Variants in C8orf34 observed in about 807,000 individuals in gnomAD.
C8orf34 encodes chromosome 8 open reading frame 34.
Under a neutral mutation model 68.3 loss-of-function variants are expected in C8orf34, and 65 were observed. That is an observed-to-expected ratio of 0.95 (90% confidence interval 0.78 to 1.17). The LOEUF is 1.17. Among genes scored for constraint, C8orf34 ranks in the 50% most tolerant of loss-of-function variants. The pLI, the probability that C8orf34 is intolerant of heterozygous loss-of-function variation, is 0.00. For synonymous variants in C8orf34, 244 were observed against 241.2 expected (o/e 1.01, Z -0.11); for missense variants, 664 against 655.4 (o/e 1.01, Z -0.14).
At chr8:68,437,733 A>T (rs937621989) in intron 1 of C8orf34, among the ~76,000 whole-genome samples, 2 of 152,182 alleles carry the variant, frequency 1.3e-5, no homozygotes, top group African/African-American at 4.8e-5. Context: ...GAATATAAAA[A>T]GTATTACACT....
chr8:68,361,184 G>A (rs537967373), intron 1 of C8orf34, among the ~76,000 whole-genome samples: 16 of 152,298 alleles, frequency 1.1e-4, no homozygotes, highest in African/African-American at 3.1e-4. Flanking sequence ...AGGGAAGAAG[G>A]TTTCGGTAGA....
At chr8:68,605,120 T>C (rs1414715554) in intron 7 of C8orf34, among the ~76,000 whole-genome samples, 1 of 152,048 alleles carries the variant, frequency 6.6e-6, no homozygotes, top group Non-Finnish European at 1.5e-5. Flanking sequence ...TCCACATCAT[T>C]TGTCATTCAG....
intron 4 of C8orf34, among the ~76,000 whole-genome samples, chr8:68,479,962 T>C (rs1476393300): frequency 6.6e-6 from 1 of 152,220 alleles, no homozygotes; most frequent in African/African-American, 2.4e-5. Flanking sequence ...AAAAGAGTTA[T>C]TTATAAAGCA....
At chr8:68,589,456 A>G (rs1354782889) in intron 7 of C8orf34, among the ~76,000 whole-genome samples, 1 of 102,818 alleles carries the variant, frequency 9.7e-6, no homozygotes, top group Non-Finnish European at 2.2e-5. Flanking sequence ...AAAGAATGAA[A>G]GAGAAAGAAA....
At chr8:68,512,769 C>T (rs1814330766) in intron 5 of C8orf34, among the ~76,000 whole-genome samples, 1 of 147,362 alleles carries the variant, frequency 6.8e-6, no homozygotes, top group Admixed American at 6.8e-5. Context: ...TTCCATACCT[C>T]CTTATAACCT....
At chr8:68,593,726 A>C (rs991178671) in intron 7 of C8orf34, among the ~76,000 whole-genome samples, 1 of 151,992 alleles carries the variant, frequency 6.6e-6, no homozygotes, top group Non-Finnish European at 1.5e-5. Context: ...CTTTTCAAAA[A>C]AGTACCTTTT....
chr8:68,596,197 C>G (rs999499639), intron 7 of C8orf34, among the ~76,000 whole-genome samples: 4 of 152,030 alleles, frequency 2.6e-5, no homozygotes, highest in Non-Finnish European at 5.9e-5. Flanking sequence ...GTTCTCATCT[C>G]CAGGTAAGTT....
chr8:68,468,637 C>G, intron 3 of C8orf34, 55 bp from the exon 4 acceptor site: 1 of 1,555,572 alleles, frequency 6.4e-7, no homozygotes. Context: ...GATGAATAGT[C>G]AGTTTGTGTC....
intron 1 of C8orf34, among the ~76,000 whole-genome samples, chr8:68,427,463 A>T (rs941037039): frequency 2.6e-5 from 4 of 152,234 alleles, no homozygotes; most frequent in African/African-American, 9.6e-5. Flanking sequence ...ATACTTCAAT[A>T]TATAAGATAT....
chr8:68,447,625 G>C (rs1363981627), intron 3 of C8orf34: 1 of 152,130 alleles, frequency 6.6e-6, no homozygotes, highest in Non-Finnish European at 1.5e-5. Context: ...ATTTATCTTT[G>C]TTTGAAAATG....
chr8:68,587,882 T>C (rs1048274995), intron 7 of C8orf34, among the ~76,000 whole-genome samples: 1 of 152,042 alleles, frequency 6.6e-6, no homozygotes, highest in Non-Finnish European at 1.5e-5. Context: ...AGAATGTGAA[T>C]GCAGATGTGA....
chr8:68,474,858 G>T (rs1229403250), intron 4 of C8orf34, among the ~76,000 whole-genome samples: 1 of 152,194 alleles, frequency 6.6e-6, no homozygotes, highest in Non-Finnish European at 1.5e-5. Flanking sequence ...GCTGGAAAAA[G>T]TAGGCTAGCT....
At chr8:68,755,904 C>T in intron 10 of C8orf34, among the ~76,000 whole-genome samples, 1 of 142,260 alleles carries the variant, frequency 7.0e-6, no homozygotes, top group South Asian at 2.2e-4. Flanking sequence ...ACTAAAAATA[C>T]AAAAAAAAAA....
intron 11 of C8orf34, among the ~76,000 whole-genome samples, chr8:68,786,264 C>G (rs1057148587): frequency 1.1e-4 from 16 of 152,100 alleles, no homozygotes; most frequent in African/African-American, 3.9e-4. Flanking sequence ...AGAGGAGAAC[C>G]ATCTTTCCCC....
rs77278766 is a variant in C8orf34, at chr8:68,558,072, G to T, written c.1105+24923G>T. Among the ~76,000 whole-genome samples, 860 of 152,230 alleles carry T rather than the reference G, an allele frequency of 5.6e-3. 8 individuals carry two copies. Among genetic ancestry groups the T allele is most frequent in the African/African-American group, 0.02 (826 of 41,534 alleles). On this transcript the variant is annotated intron_variant, in intron 7 of 13. Transcript: ENST00000518698. ...TATGAAAAGATGCTCAAACGCCTGT[G>T]GTTCAGAAGGTACTTCATCTGGCTT...
intron 8 of C8orf34, among the ~76,000 whole-genome samples, chr8:68,677,766 G>A (rs896137821): frequency 6.6e-6 from 1 of 151,600 alleles, no homozygotes; most frequent in African/African-American, 2.4e-5. Context: ...TTGAAATGAA[G>A]AAAATAATAC....
At chr8:68,530,316 C>A (rs1332524628) in intron 6 of C8orf34, among the ~76,000 whole-genome samples, 1 of 152,056 alleles carries the variant, frequency 6.6e-6, no homozygotes, top group Non-Finnish European at 1.5e-5. Flanking sequence ...AATTATTCAT[C>A]TTGTAAATAA....
chr8:68,692,160 T>C (rs777023377), intron 8 of C8orf34, among the ~76,000 whole-genome samples: 14 of 152,118 alleles, frequency 9.2e-5, no homozygotes, highest in Non-Finnish European at 1.8e-4. Flanking sequence ...GGACTGTCCA[T>C]CTGGAATGGC....
chr8:68,613,294 T>G (rs1818079174), intron 7 of C8orf34, among the ~76,000 whole-genome samples: 1 of 152,102 alleles, frequency 6.6e-6, no homozygotes, highest in Middle Eastern at 3.2e-3. Context: ...CTTTTTCTTT[T>G]TATTTTATTT....
Sources: allele counts gnomAD v4.1 joint callset (sites outside exome capture counted in the v4.1 genomes callset), GRCh38; gene constraint gnomAD v4.1.1; transcripts MANE v1.5; gene names NCBI Gene and HGNC (gene_info 2026-07-23, HGNC 2026-07-21).